Variants in SMOC2 observed in about 807,000 individuals in gnomAD.
SMOC2 encodes SPARC related modular calcium binding 2.
SMOC2 carries 39 observed loss-of-function variants against 61.4 expected under a neutral mutation model. That is an observed-to-expected ratio of 0.64 (90% confidence interval 0.49 to 0.83). SMOC2 has a LOEUF of 0.83. Among genes scored for constraint, SMOC2 ranks in the 40% least tolerant of loss-of-function variants. The pLI is 0.00. For missense variants in SMOC2, 556 were observed against 592.9 expected, an observed-to-expected ratio of 0.94 and a Z score of 0.65; for synonymous variants, 247 against 239.9, an observed-to-expected ratio of 1.03 and a Z score of -0.27.
rs189649996 is a variant in SMOC2 at position 168,447,595 on chromosome 6, G to T, written c.84+6141G>T. On this transcript the variant is annotated intron_variant, in intron 1 of 12. Coordinates refer to ENST00000356284, the MANE Select transcript of SMOC2 (RefSeq NM_001166412.2). ...CCCCCAGCCGAGGGCAGACATTTTT[G>T]GGGGGAAAGGGGTAGGCAAACTCTT... Among the ~76,000 whole-genome samples, 14 of 152,162 alleles carry T rather than the reference G, an allele frequency of 9.2e-5. No individual in the cohort carries two copies. In the East Asian group the frequency reaches 2.1e-3, roughly 23 times the overall value.
intron 9 of SMOC2, among the ~76,000 whole-genome samples, chr6:168,611,452 A>G (rs1434062259): frequency 2.4e-5 from 3 of 127,172 alleles, no homozygotes; most frequent in East Asian, 4.8e-4. Context: ...CGTGGCTCCC[A>G]TGTCTGGCCC....
chr6:168,492,238 G>A (rs1288705282), intron 1 of SMOC2, among the ~76,000 whole-genome samples: 1 of 152,200 alleles, frequency 6.6e-6, no homozygotes, highest in Non-Finnish European at 1.5e-5. Flanking sequence ...CCAAGCACAT[G>A]AGAATACCGT....
intron 9 of SMOC2, among the ~76,000 whole-genome samples, chr6:168,639,978 C>A (rs764683451): frequency 3.9e-5 from 6 of 152,166 alleles, no homozygotes; most frequent in Non-Finnish European, 7.3e-5. Context: ...TCTGCCATCA[C>A]CTTTGCCTGC....
intron 12 of SMOC2, among the ~76,000 whole-genome samples, chr6:168,666,138 G>A (rs1486565564): frequency 2.0e-5 from 3 of 152,068 alleles, no homozygotes; most frequent in Non-Finnish European, 4.4e-5. Flanking sequence ...AAGACATTCT[G>A]GAAAACATTT....
At position 168,652,982 on chromosome 6, in the gene SMOC2, C is replaced by G. The variant is rs1787233857; in HGVS notation, c.1039C>G (p.Leu347Val). ...RLSEPDPSHT[L>V]EERVVHWYFK... Reference sequence around the variant, plus strand: ...CTCAGAACCCGACCCCAGCCATACCCTAGAGGAGCGGGTGGTGCACTGGTA... The same window carrying G: ...CTCAGAACCCGACCCCAGCCATACCGTAGAGGAGCGGGTGGTGCACTGGTA... Residue 347 changes from leucine (L) to valine (V), a missense_variant, in exon 11 of 13, where the codon CTA becomes GTA. By Grantham distance (32) the Leu-to-Val change is conservative (BLOSUM62 1). Transcript: ENST00000356284. 6.2e-7 allele frequency: 1 copy of G among 1,613,928 alleles called. No homozygotes were observed. Among genetic ancestry groups the G allele is most frequent in the East Asian group, 2.2e-5 (1 of 44,874 alleles).
At chr6:168,571,790 C>A (rs34051481) in intron 7 of SMOC2, among the ~76,000 whole-genome samples, 4,212 of 152,182 alleles carry the variant, frequency 0.028, 92 homozygotes, top group Middle Eastern at 0.045. Flanking sequence ...TCACTGAACG[C>A]AATGTTCACT....
At chr6:168,464,974 G>A (rs1781795861) in intron 1 of SMOC2, among the ~76,000 whole-genome samples, 1 of 152,196 alleles carries the variant, frequency 6.6e-6, no homozygotes, top group African/African-American at 2.4e-5. Context: ...AAGCTCCGGA[G>A]GCTCCACAGA....
chr6:168,573,939 G>A (rs1012428281), intron 7 of SMOC2, among the ~76,000 whole-genome samples: 6 of 152,240 alleles, frequency 3.9e-5, no homozygotes, highest in Non-Finnish European at 8.8e-5. Context: ...GGCCAGTGGG[G>A]TAGGATGTGC....
chr6:168,649,010 T>C (rs2342648), intron 9 of SMOC2, among the ~76,000 whole-genome samples: 98,272 of 151,734 alleles, frequency 0.65, 31,874 homozygotes, highest in Admixed American at 0.69. Flanking sequence ...GACCCAGGGG[T>C]CTGAGAATCA....
chr6:168,598,724 C>T (rs1486163507), intron 7 of SMOC2, 94 bp from the exon 8 acceptor site: 5 of 1,408,450 alleles, frequency 3.5e-6, no homozygotes, highest in South Asian at 1.3e-5. Context: ...AGGACCACAT[C>T]GTTCTTGGCA....
intron 2 of SMOC2, among the ~76,000 whole-genome samples, chr6:168,514,945 A>G (rs1783096537): frequency 6.6e-6 from 1 of 152,184 alleles, no homozygotes; most frequent in South Asian, 2.1e-4. Context: ...TGGGCTTTTC[A>G]GGTGTCTCCC....
rs536529016 is a variant in SMOC2 at position 168,639,811 on chromosome 6, T to C, written c.908-10870T>C. ...ATCCCTCATTTCAGAACAAACTCAA[T>C]CATAAGATTACAGAGACGGCAGAAT... is the stretch of plus-strand genomic sequence containing the variant. On this transcript the variant is annotated intron_variant, in intron 9 of 12. Transcript: ENST00000356284. 1.1e-3 allele frequency among the ~76,000 whole-genome samples: 162 copies of C among 152,276 alleles called. 2 individuals are homozygous for C. The highest frequency in any genetic ancestry group is 3.4e-3 in the Middle Eastern group (1 of 294).
At chr6:168,591,896 A>T (rs756944424) in intron 7 of SMOC2, among the ~76,000 whole-genome samples, 7 of 152,104 alleles carry the variant, frequency 4.6e-5, no homozygotes, top group Non-Finnish European at 1.0e-4. Flanking sequence ...ATCATTCATT[A>T]TTACTTTTTT....
intron 11 of SMOC2, chr6:168,655,418 G>A: frequency 2.2e-6 from 1 of 456,580 alleles, no homozygotes; most frequent in Non-Finnish European, 4.4e-6. Context: ...ACCTGTGATG[G>A]CCAGAGCCCA....
chr6:168,479,433 G>A (rs780679254), intron 1 of SMOC2, among the ~76,000 whole-genome samples: 4 of 152,192 alleles, frequency 2.6e-5, no homozygotes, highest in Non-Finnish European at 5.9e-5. Context: ...AGTGGAGAAG[G>A]AAACATCAGA....
chr6:168,626,096 G>A (rs2342641), intron 9 of SMOC2, among the ~76,000 whole-genome samples: 131,155 of 152,246 alleles, frequency 0.86, 57,077 homozygotes, highest in Middle Eastern at 0.95. Flanking sequence ...TAGCCCCCAC[G>A]TGAAGCAGAG....
At chr6:168,492,322 A>G (rs960548812) in intron 1 of SMOC2, among the ~76,000 whole-genome samples, 9 of 152,360 alleles carry the variant, frequency 5.9e-5, no homozygotes, top group African/African-American at 1.4e-4. Flanking sequence ...TCCACAAGAC[A>G]CCCACCTACC....
chr6:168,485,270 T>C (rs1782304283), intron 1 of SMOC2, among the ~76,000 whole-genome samples: 1 of 152,056 alleles, frequency 6.6e-6, no homozygotes, highest in Non-Finnish European at 1.5e-5. Context: ...TGGAAAACAG[T>C]TTTCCAAAGT....
In SMOC2 at chr6:168,650,763, C is replaced by G. The variant is rs1787172408; in HGVS notation, c.990C>G (p.Asp330Glu). The change falls in exon 10 of 13, where the codon GAC becomes GAG. Residue 330 changes from aspartate to glutamate, a missense_variant. By Grantham distance (45) the Asp-to-Glu change is conservative (BLOSUM62 2). Coordinates refer to ENST00000356284, the MANE Select transcript of SMOC2 (RefSeq NM_001166412.2). Reference protein sequence around the residue: ...LSTDMVHAASDPSSSSGRLSE... With the variant: ...LSTDMVHAASEPSSSSGRLSE... ...CGGACATGGTCCACGCCGCCTCCGACCCCTCCTCCTCGTCAGGCAGGTACG... is the reference window on the plus strand; with the variant it reads ...CGGACATGGTCCACGCCGCCTCCGAGCCCTCCTCCTCGTCAGGCAGGTACG... The G allele has an allele frequency of 6.2e-7, 1 of 1,612,146 alleles. No homozygotes were observed. The highest frequency in any genetic ancestry group is 1.7e-5 in the Admixed American group (1 of 59,986).
Sources: allele counts gnomAD v4.1 joint callset (sites outside exome capture counted in the v4.1 genomes callset), GRCh38; gene constraint gnomAD v4.1.1; transcripts MANE v1.5; gene names NCBI Gene and HGNC (gene_info 2026-07-23, HGNC 2026-07-21).